NFYA: variants seen among roughly 807,000 people sequenced by gnomAD.
NFYA encodes the protein CAAT-box DNA binding protein subunit A.
A neutral mutation model predicts 52.8 loss-of-function variants in NFYA; 28 were observed. The ratio of observed to expected loss-of-function variants is 0.53; its 90% CI spans 0.39 to 0.73. The LOEUF is 0.73. Ranked by LOEUF, NFYA falls within the 30% of genes least tolerant of loss-of-function variation. The pLI is 0.00. For synonymous variants in NFYA, 150 were observed against 150.7 expected (o/e 1.00, Z 0.03); for missense variants, 234 against 427.0 (o/e 0.55, Z 3.98).
intron 1 of NFYA, among the ~76,000 whole-genome samples, chr6:41,073,333 C>A (rs1189087985): frequency 1.3e-5 from 2 of 151,758 alleles, no homozygotes; most frequent in Non-Finnish European, 2.9e-5. Flanking sequence ...CCTCGGGGCT[C>A]CGACCCTCGC....
At chr6:41,091,345 G>T (rs1764192905) in intron 6 of NFYA, among the ~76,000 whole-genome samples, 183 bp from the exon 7 acceptor site, 1 of 152,140 alleles carries the variant, frequency 6.6e-6, no homozygotes. Flanking sequence ...TTCAAAGATT[G>T]TGATTACTTA....
Position 41,099,976 on chromosome 6 carries a change from A to T in NFYA, c.*2566A>T, listed in dbSNP as rs1469747685. The T allele has an allele frequency of 2.0e-5, 3 of 152,150 alleles. No homozygotes were observed. The highest frequency in any genetic ancestry group is 4.4e-5 in the Non-Finnish European group (3 of 68,030). The allele number at this position is 152,150 out of a possible 1,614,324, so 9.4% of individuals were successfully genotyped here. On this transcript the variant is annotated 3_prime_UTR_variant, in exon 10 of 10. Transcript: ENST00000341376. The stretch of plus-strand genomic sequence containing the variant: ...AATAAATTTATAAAAATAACCGAAA[A>T]GTAATGTGACTTTTGAGGAATCTGC...
At chr6:41,077,531 T>C (rs717883) in intron 1 of NFYA, among the ~76,000 whole-genome samples, 59,157 of 151,954 alleles carry the variant, frequency 0.39, 12,163 homozygotes, top group African/African-American at 0.52. Flanking sequence ...TATTAGTTTA[T>C]AGCCATAAAT....
chr6:41,097,665 A>G lies in NFYA; in HGVS notation c.*255A>G, dbSNP rs1389985959. On this transcript the variant is annotated 3_prime_UTR_variant, in exon 10 of 10. Transcript: ENST00000341376. ...TGACATTGACATTTCATGGATTCGG[A>G]TGATGCAAGGAGACACATGCCACCC... 2 of 419,420 alleles carry G rather than the reference A, an allele frequency of 4.8e-6. No individual in the cohort carries two copies. Among genetic ancestry groups the G allele is most frequent in the South Asian group, 2.9e-5 (1 of 34,418 alleles). The allele number at this position is 419,420 out of a possible 1,614,324, so 26.0% of individuals were successfully genotyped here.
chr6:41,092,793 AC>A, intron 7 of NFYA, 118 bp from the exon 8 acceptor site: 1 of 946,936 alleles, frequency 1.1e-6, no homozygotes, highest in Non-Finnish European at 1.6e-6. Flanking sequence ...TTACCCAAGT[AC>A]CCTATAAAAA....
chr6:41,081,679 C>T (rs1371235935), intron 3 of NFYA, among the ~76,000 whole-genome samples: 2 of 152,126 alleles, frequency 1.3e-5, no homozygotes, highest in African/African-American at 4.8e-5. Flanking sequence ...TTGCACTTGG[C>T]AAGGTTTATC....
intron 1 of NFYA, among the ~76,000 whole-genome samples, chr6:41,076,475 G>GCTTA (rs371435772): frequency 2.5e-4 from 38 of 152,300 alleles, no homozygotes; most frequent in African/African-American, 8.9e-4. Flanking sequence ...CTTTTCATAT[G>GCTTA]CTTACACTAG....
chr6:41,092,900 CT>C lies in NFYA; in HGVS notation c.715-11del, dbSNP rs759314795. ...CATGCCACCAATAAGCTCTGGTTTC[CT>C]GTTCACACAGATGGTTCCTGGGGCT... On this transcript the variant is annotated splice_polypyrimidine_tract_variant and intron_variant, in intron 7 of 9. Transcript: ENST00000341376. 6.2e-6 allele frequency: 10 copies of C among 1,610,860 alleles called. No homozygotes were observed. The highest frequency in any genetic ancestry group is 1.3e-5 in the African/African-American group (1 of 74,798).
chr6:41,088,710 A>G (rs1764115578), intron 4 of NFYA, among the ~76,000 whole-genome samples: 2 of 151,506 alleles, frequency 1.3e-5, no homozygotes, highest in Non-Finnish European at 2.9e-5. Flanking sequence ...TCAGTTCCCC[A>G]AGTAGCTGGG....
chr6:41,095,441 TTCTC>T (rs936917940), intron 9 of NFYA, among the ~76,000 whole-genome samples: 15 of 152,334 alleles, frequency 9.8e-5, no homozygotes, highest in African/African-American at 3.6e-4. Context: ...AATAGATCTC[TTCTC>T]TCTCAGTATG....
At chr6:41,082,198 ACC>A (rs1302255421) in intron 3 of NFYA, among the ~76,000 whole-genome samples, 1 of 152,200 alleles carries the variant, frequency 6.6e-6, no homozygotes, top group African/African-American at 2.4e-5. Flanking sequence ...TACCCCTGCC[ACC>A]AATAGTGTTT....
intron 1 of NFYA, among the ~76,000 whole-genome samples, chr6:41,078,586 AAG>A (rs1333179334): frequency 6.6e-6 from 1 of 152,218 alleles, no homozygotes; most frequent in Non-Finnish European, 1.5e-5. Context: ...TCAACTCTTA[AAG>A]TCTATGAGAA....
In NFYA at chr6:41,102,211, G is replaced by A. The variant is rs970449442; in HGVS notation, c.*4801G>A. On this transcript the variant is annotated 3_prime_UTR_variant, in exon 10 of 10. Coordinates refer to ENST00000341376, the MANE Select transcript of NFYA (RefSeq NM_002505.5). ...AGTACTTTAAAACAGGTACCAAAGG[G>A]TCATTCCTTTAGCATCATTCATCTT... 2.0e-5 allele frequency: 3 copies of A among 152,104 alleles called. No individual in the cohort carries two copies. The East Asian group carries it at 5.8e-4, about 29-fold the overall frequency. The allele number at this position is 152,104 out of a possible 1,614,324, so 9.4% of individuals were successfully genotyped here. A position where few individuals can be genotyped will look rare whatever the true frequency, so the allele number is the denominator to read the frequency against.
intron 2 of NFYA, among the ~76,000 whole-genome samples, chr6:41,080,471 T>G (rs1763875411): frequency 6.6e-6 from 1 of 152,188 alleles, no homozygotes; most frequent in Admixed American, 6.5e-5. Flanking sequence ...TTTTTTCTTG[T>G]GAACTCATCT....
At chr6:41,090,120 AT>A in intron 5 of NFYA, 83 bp from the exon 6 acceptor site, 1 of 958,940 alleles carries the variant, frequency 1.0e-6, no homozygotes, top group Non-Finnish European at 1.6e-6. Flanking sequence ...TCTCAAAAAA[AT>A]AATTTTTTTT....
rs1250568576 is a variant in NFYA, at chr6:41,099,799, T to C, written c.*2389T>C. 6.6e-6 allele frequency: 1 copy of C among 152,054 alleles called. No homozygotes were observed. The highest frequency in any genetic ancestry group is 1.9e-4 in the East Asian group (1 of 5,190). 9.4% of individuals were successfully genotyped at this position (152,054 alleles called of 1,614,324 possible). On this transcript the variant is annotated 3_prime_UTR_variant, in exon 10 of 10. Coordinates refer to ENST00000341376, the MANE Select transcript of NFYA (RefSeq NM_002505.5). ...TTGAACATGTCAGTGTCGATGCCAC[T>C]GGACCAACAGAGCATTTTGTGGCTA...
chr6:41,081,896 C>T (rs1364778293), intron 3 of NFYA, among the ~76,000 whole-genome samples: 1 of 152,112 alleles, frequency 6.6e-6, no homozygotes, highest in Non-Finnish European at 1.5e-5. Context: ...TCTTTAGCAT[C>T]GTGTATGGCT....
chr6:41,091,504 G>A (rs1034495678), intron 6 of NFYA, 24 bp from the exon 7 acceptor site: 5 of 1,608,182 alleles, frequency 3.1e-6, no homozygotes, highest in Non-Finnish European at 4.2e-6. Flanking sequence ...TTTTTTGTTT[G>A]TTTTATGTTT....
At chr6:41,093,734 G>C (rs1356178055) in intron 8 of NFYA, among the ~76,000 whole-genome samples, 1 of 152,200 alleles carries the variant, frequency 6.6e-6, no homozygotes, top group Non-Finnish European at 1.5e-5. Flanking sequence ...GCCTCCCAAA[G>C]TGCCGGGATT....
Sources: gnomAD v4.1 joint callset for allele counts (sites outside exome capture counted in the v4.1 genomes callset) on GRCh38, gnomAD v4.1.1 for gene constraint, MANE v1.5 for transcripts, NCBI Gene and HGNC (gene_info 2026-07-23, HGNC 2026-07-21) for gene names.